Variants in CDH18 observed in about 807,000 individuals in gnomAD.
CDH18 encodes the protein cadherin-18.
In CDH18, 31 loss-of-function variants were observed where a neutral mutation model predicts 67.9. The ratio of observed to expected loss-of-function variants is 0.46; its 90% confidence interval spans 0.34 to 0.62. CDH18 has a LOEUF of 0.62. Among genes scored for constraint, CDH18 ranks in the 20% least tolerant of loss-of-function variants. The pLI is 0.01. For synonymous variants in CDH18, 362 were observed against 347.2 expected, an observed-to-expected ratio of 1.04 and a Z score of -0.48; for missense variants, 890 against 975.5, an observed-to-expected ratio of 0.91 and a Z score of 1.17.
chr5:19,523,985 C>T (rs1338078778), intron 9 of CDH18, among the ~76,000 whole-genome samples: 1 of 151,964 alleles, frequency 6.6e-6, no homozygotes, highest in Non-Finnish European at 1.5e-5. Flanking sequence ...TGTCAGAAGA[C>T]TGCATTCAAG....
intron 5 of CDH18, among the ~76,000 whole-genome samples, chr5:19,641,870 T>A (rs1322214273): frequency 6.6e-6 from 1 of 151,796 alleles, no homozygotes; most frequent in African/African-American, 2.4e-5. Context: ...GTACCCAAAT[T>A]GGAAAGAAAA....
chr5:20,503,612 A>G (rs2126453650), intron 1 of CDH18, among the ~76,000 whole-genome samples: 1 of 152,284 alleles, frequency 6.6e-6, no homozygotes, highest in East Asian at 1.9e-4. Flanking sequence ...ATAGAAGGAG[A>G]TGAATAGCAA....
intron 5 of CDH18, among the ~76,000 whole-genome samples, chr5:19,668,794 C>T (rs1341030465): frequency 6.6e-6 from 1 of 152,052 alleles, no homozygotes; most frequent in Non-Finnish European, 1.5e-5. Context: ...ATGAAACATT[C>T]ATACTAGTGC....
Position 20,266,571 on chromosome 5 carries a change from A to ATTTTTTTTTTTTTTTTTTTTTTTTTTTTT in CDH18, c.-579-11095_-579-11067dup, listed in dbSNP as rs34718835. Among the ~76,000 whole-genome samples the ATTTTTTTTTTTTTTTTTTTTTTTTTTTTT allele has an allele frequency of 2.5e-4, 15 of 59,184 alleles. 2 individuals are homozygous for ATTTTTTTTTTTTTTTTTTTTTTTTTTTTT. The highest frequency in any genetic ancestry group is 5.8e-4 in the Admixed American group (2 of 3,440). 38.8% of individuals were successfully genotyped at this position (59,184 alleles called of 152,430 possible). A position where few individuals can be genotyped will look rare whatever the true frequency, so the allele number is the denominator to read the frequency against. ...GGCACGTGCCGGCACGCCCGGCTGA[A>ATTTTTTTTTTTTTTTTTTTTTTTTTTTTT]TTTTTTTTTTTTTTTTTTTTTTTTT... On this transcript the variant is annotated intron_variant, in intron 1 of 14. Transcript: ENST00000507958.
chr5:20,287,466 G>T (rs992315740), intron 1 of CDH18, among the ~76,000 whole-genome samples: 14 of 151,644 alleles, frequency 9.2e-5, no homozygotes, highest in African/African-American at 3.4e-4. Context: ...AAGTTTCAAA[G>T]ATAATCTAAA....
At chr5:19,863,823 T>G (rs917222990) in intron 2 of CDH18, among the ~76,000 whole-genome samples, 6 of 152,148 alleles carry the variant, frequency 3.9e-5, no homozygotes, top group Non-Finnish European at 8.8e-5. Flanking sequence ...AGACTCACTG[T>G]GAGGAGATGA....
chr5:20,360,335 G>A (rs1580828968), intron 1 of CDH18, among the ~76,000 whole-genome samples: 1 of 152,094 alleles, frequency 6.6e-6, no homozygotes, highest in South Asian at 2.1e-4. Context: ...ATTAAAGAAA[G>A]GGCAACCTCT....
At chr5:19,887,724 C>T (rs1421676084) in intron 2 of CDH18, among the ~76,000 whole-genome samples, 1 of 151,242 alleles carries the variant, frequency 6.6e-6, no homozygotes, top group East Asian at 1.9e-4. Flanking sequence ...TGCACACCAC[C>T]ATGTGTTTTT....
chr5:19,896,104 C>T (rs1789301228), intron 2 of CDH18, among the ~76,000 whole-genome samples: 1 of 152,042 alleles, frequency 6.6e-6, no homozygotes, highest in African/African-American at 2.4e-5. Context: ...CACCTGTAAT[C>T]CCAGCACTTT....
intron 2 of CDH18, among the ~76,000 whole-genome samples, chr5:20,112,342 TG>T (rs1747548682): frequency 6.6e-6 from 1 of 152,234 alleles, no homozygotes. Context: ...ATGAATTTTT[TG>T]GTTATTTTAA....
intron 5 of CDH18, among the ~76,000 whole-genome samples, chr5:19,632,843 C>T (rs557909144): frequency 2.6e-5 from 4 of 152,240 alleles, no homozygotes; most frequent in African/African-American, 9.6e-5. Flanking sequence ...ATTTGTGCCC[C>T]CTCTGTGTTC....
chr5:19,881,767 A>C (rs1001056194), intron 2 of CDH18, among the ~76,000 whole-genome samples: 1 of 151,898 alleles, frequency 6.6e-6, no homozygotes, highest in African/African-American at 2.4e-5. Flanking sequence ...CGACCTCCCA[A>C]AGTGCTGGGG....
At chr5:19,983,062 A>G (rs1169492042) in intron 1 of CDH18, among the ~76,000 whole-genome samples, 1 of 151,542 alleles carries the variant, frequency 6.6e-6, no homozygotes, top group Non-Finnish European at 1.5e-5. Context: ...CCAAAATTAA[A>G]GACATAATGG....
chr5:19,473,080 C>A lies in CDH18; in HGVS notation c.*146G>T. The stretch of plus-strand genomic sequence containing the variant: ...TCCAATTAAATAACCCAGTTTCGAT[C>A]ATGAAAAGGGCACTTGTTTCTACAG... On this transcript the variant is annotated 3_prime_UTR_variant, in exon 13 of 13. Transcript: ENST00000382275. 8.0e-6 allele frequency: 6 copies of A among 753,024 alleles called. No homozygotes were observed. The highest frequency in any genetic ancestry group is 2.8e-5 in the East Asian group (1 of 35,628). The allele number at this position is 753,024 out of a possible 1,614,324, so 46.6% of individuals were successfully genotyped here. A position where few individuals can be genotyped will look rare whatever the true frequency, so the allele number is the denominator to read the frequency against.
At chr5:19,952,491 T>C (rs1166719552) in intron 2 of CDH18, among the ~76,000 whole-genome samples, 1 of 152,194 alleles carries the variant, frequency 6.6e-6, no homozygotes, top group Admixed American at 6.5e-5. Flanking sequence ...AAGCCAAATA[T>C]ATATGATACA....
chr5:19,660,452 C>T (rs1271924288), intron 5 of CDH18, among the ~76,000 whole-genome samples: 13 of 152,072 alleles, frequency 8.5e-5, no homozygotes, highest in East Asian at 3.9e-4. Flanking sequence ...GAGAGATTAA[C>T]GCATACTCAG....
At chr5:19,492,713 A>T (rs906809266) in intron 11 of CDH18, among the ~76,000 whole-genome samples, 4 of 152,162 alleles carry the variant, frequency 2.6e-5, no homozygotes. Flanking sequence ...GTCAATATTA[A>T]GCAAAATTAT....
At chr5:20,019,640 C>T (rs1738222817) in intron 2 of CDH18, among the ~76,000 whole-genome samples, 1 of 152,194 alleles carries the variant, frequency 6.6e-6, no homozygotes, top group Non-Finnish European at 1.5e-5. Context: ...TTCCTGAGGC[C>T]TCCCAGCCAT....
chr5:19,520,607 C>G, intron 10 of CDH18, 50 bp downstream of exon 10: 1 of 1,522,142 alleles, frequency 6.6e-7, no homozygotes, highest in South Asian at 1.3e-5. Flanking sequence ...AAAATAAAGG[C>G]GCTTGCATTT....
Sources: allele counts gnomAD v4.1 joint callset (sites outside exome capture counted in the v4.1 genomes callset), GRCh38; gene constraint gnomAD v4.1.1; transcripts MANE v1.5; gene names NCBI Gene and HGNC (gene_info 2026-07-23, HGNC 2026-07-21).